Variants in NDUFAF6 observed in about 807,000 individuals in gnomAD.
NDUFAF6 encodes the protein NADH:ubiquinone oxidoreductase complex assembly factor 6.
A neutral mutation model predicts 40.8 loss-of-function variants in NDUFAF6; 45 were observed. The observed-to-expected ratio is 1.10, with a 90% CI of 0.87 to 1.42. The LOEUF is 1.42. NDUFAF6 is among the 40% of genes most tolerant of loss of function. The probability of loss-of-function intolerance (pLI) is 0.00; values close to 1 mark genes in which losing one functional copy is unlikely to be tolerated. For synonymous variants in NDUFAF6, 185 were observed against 155.9 expected (o/e 1.19, Z -1.39); for missense variants, 435 against 418.5 (o/e 1.04, Z -0.34).
At chr8:94,943,455 C>G (rs1185544840) in intron 1 of NDUFAF6, among the ~76,000 whole-genome samples, 1 of 152,128 alleles carries the variant, frequency 6.6e-6, no homozygotes, top group Non-Finnish European at 1.5e-5. Context: ...CCACTGTACT[C>G]CAGTGTGAGT....
chr8:94,900,260 G>A (rs1241543542), intron 1 of NDUFAF6, among the ~76,000 whole-genome samples: 1 of 152,004 alleles, frequency 6.6e-6, no homozygotes, highest in Non-Finnish European at 1.5e-5. Flanking sequence ...GGGGGCAGAG[G>A]TGTGCTCTCG....
intron 2 of NDUFAF6, among the ~76,000 whole-genome samples, chr8:95,003,804 T>C (rs1826841303): frequency 6.6e-6 from 1 of 152,334 alleles, no homozygotes; most frequent in South Asian, 2.1e-4. Context: ...GTAAAATACA[T>C]AGAACATAAA....
chr8:95,104,866 T>C (rs924816342), downstream of NDUFAF6, among the ~76,000 whole-genome samples: 7 of 152,200 alleles, frequency 4.6e-5, no homozygotes, highest in East Asian at 9.7e-4. Context: ...CTGGGAAAGA[T>C]GAGCTGCGGC....
intron 1 of NDUFAF6, among the ~76,000 whole-genome samples, chr8:94,972,255 T>C (rs1402724680): frequency 6.6e-6 from 1 of 152,136 alleles, no homozygotes; most frequent in Non-Finnish European, 1.5e-5. Flanking sequence ...TTTTTTTTCT[T>C]TCTTGAGACT....
At chr8:95,088,689 T>TTGTGTGTGTGTGTGTG (rs545260109) in intron 2 of NDUFAF6, among the ~76,000 whole-genome samples, 7 of 142,280 alleles carry the variant, frequency 4.9e-5, no homozygotes, top group African/African-American at 1.4e-4. Flanking sequence ...TTTTGGGGTT[T>TTGTGTGTGTGTGTGTG]TGTGTGTGTG....
At chr8:94,898,295 C>G (rs552865467) in intron 1 of NDUFAF6, among the ~76,000 whole-genome samples, 206 of 152,268 alleles carry the variant, frequency 1.4e-3, no homozygotes, top group African/African-American at 4.7e-3. Flanking sequence ...AGGATCTCGT[C>G]CAGGATACCC....
At chr8:94,942,220 T>G (rs1387332168) in intron 1 of NDUFAF6, among the ~76,000 whole-genome samples, 1 of 151,928 alleles carries the variant, frequency 6.6e-6, no homozygotes, top group Non-Finnish European at 1.5e-5. Context: ...TTTTTTTTAT[T>G]TAGTGGAGAC....
At chr8:94,956,370 G>A (rs1823073163), upstream of NDUFAF6, among the ~76,000 whole-genome samples, 1 of 152,182 alleles carries the variant, frequency 6.6e-6, no homozygotes, top group Non-Finnish European at 1.5e-5. Context: ...AGCAAGCTCT[G>A]TGAAGCTCTA....
intron 1 of NDUFAF6, among the ~76,000 whole-genome samples, chr8:94,917,122 AAAAAAAG>A (rs1411192495): frequency 1.3e-5 from 2 of 151,804 alleles, no homozygotes; most frequent in African/African-American, 4.8e-5. Flanking sequence ...AAAAAAAAAA[AAAAAAAG>A]AAAGAAAAAA....
Position 94,908,165 on chromosome 8 carries a change from T to G in NDUFAF6, c.-936+12238T>G, listed in dbSNP as rs376279708. 1.3e-4 allele frequency among the ~76,000 whole-genome samples: 20 copies of G among 152,352 alleles called. No individual in the cohort carries two copies. In the East Asian group the frequency reaches 2.9e-3, roughly 22 times the overall value. On this transcript the variant is annotated intron_variant, in intron 1 of 14. Transcript: ENST00000396113. ...TTAAAAGCTCTCAATTACACCATTG[T>G]GTGCCCAGTACCTCGCATTGTGCCT...
At chr8:94,924,865 C>T (rs1318707824) in intron 1 of NDUFAF6, among the ~76,000 whole-genome samples, 3 of 152,204 alleles carry the variant, frequency 2.0e-5, no homozygotes, top group African/African-American at 7.2e-5. Context: ...GCCTCAGCCT[C>T]CCGAGGAGCT....
At chr8:94,930,150 A>T in intron 1 of NDUFAF6, 1 of 246,000 alleles carries the variant, frequency 4.1e-6, no homozygotes, top group Non-Finnish European at 7.9e-6. Context: ...AAAGATGCCT[A>T]TTCTCGTACT....
chr8:95,054,600 A>G (rs1010253534), intron 8 of NDUFAF6, among the ~76,000 whole-genome samples: 1 of 151,562 alleles, frequency 6.6e-6, no homozygotes, highest in African/African-American at 2.4e-5. Flanking sequence ...ATGCCCCGCT[A>G]ATTTTTATAT....
At chr8:94,955,932 A>G (rs1823030790), upstream of NDUFAF6, among the ~76,000 whole-genome samples, 1 of 152,238 alleles carries the variant, frequency 6.6e-6, no homozygotes, top group African/African-American at 2.4e-5. Context: ...ACACAAGTGC[A>G]ATAGAAACCA....
chr8:94,944,957 A>G (rs1821860557), intron 1 of NDUFAF6, among the ~76,000 whole-genome samples: 1 of 152,218 alleles, frequency 6.6e-6, no homozygotes, highest in African/African-American at 2.4e-5. Context: ...AAAGGCAAGG[A>G]GCTATTGGAG....
intron 1 of NDUFAF6, among the ~76,000 whole-genome samples, chr8:94,909,552 G>A (rs1018124430): frequency 6.6e-6 from 1 of 151,560 alleles, no homozygotes; most frequent in Admixed American, 6.6e-5. Flanking sequence ...CTTGAACCTA[G>A]GAGGCTGAGG....
intron 1 of NDUFAF6, among the ~76,000 whole-genome samples, chr8:94,911,631 C>T (rs1818785261): frequency 6.6e-6 from 1 of 152,172 alleles, no homozygotes; most frequent in Admixed American, 6.6e-5. Context: ...TACAATGGTA[C>T]CTTGGCCCTC....
At chr8:94,993,362 G>C (rs1255046048) in intron 2 of NDUFAF6, among the ~76,000 whole-genome samples, 1 of 152,164 alleles carries the variant, frequency 6.6e-6, no homozygotes, top group Non-Finnish European at 1.5e-5. Context: ...CCTTAAGCAT[G>C]CCCTTTACAG....
intron 1 of NDUFAF6, chr8:94,896,479 C>T (rs1338258352): frequency 1.3e-5 from 2 of 152,346 alleles, no homozygotes; most frequent in Non-Finnish European, 2.9e-5. Context: ...TCAAGTCAGA[C>T]TTGCGGCGGG....
Sources: gnomAD v4.1 joint callset for allele counts (sites outside exome capture counted in the v4.1 genomes callset) on GRCh38, gnomAD v4.1.1 for gene constraint, MANE v1.5 for transcripts, NCBI Gene and HGNC (gene_info 2026-07-23, HGNC 2026-07-21) for gene names.